Variants in SUSD5 observed in about 807,000 individuals in gnomAD.
SUSD5 encodes sushi domain-containing protein 5.
SUSD5 carries 33 observed loss-of-function variants against 29.5 expected under a neutral mutation model. That is an observed-to-expected ratio of 1.12 (90% CI 0.85 to 1.49). SUSD5 has a LOEUF of 1.49. Ranked by LOEUF, SUSD5 falls within the 40% of genes most tolerant of loss-of-function variation. SUSD5 has a pLI of 0.00. For synonymous variants in SUSD5, 308 were observed against 325.3 expected, an observed-to-expected ratio of 0.95 and a Z score of 0.57; for missense variants, 776 against 800.6, an observed-to-expected ratio of 0.97 and a Z score of 0.37.
rs2030970982 is a variant in SUSD5 at position 33,153,581 on chromosome 3, C to A, written c.1051G>T (p.Val351Leu). Reference sequence around the variant, plus strand: ...CCTGCCTTGCTGTCATTCTTGCCCACAAATGGCCCCGAGGGACCATCAGTG... The same window carrying A: ...CCTGCCTTGCTGTCATTCTTGCCCAAAAATGGCCCCGAGGGACCATCAGTG... ...GNTDGPSGPFVGKNDSKAGDP... is the reference protein window; with the variant it reads ...GNTDGPSGPFLGKNDSKAGDP... The change falls in exon 5 of 5, where the codon GTG (valine) becomes TTG (leucine). Residue 351 changes from valine to leucine, a missense_variant. Physicochemically the swap from Val to Leu is conservative, Grantham distance 32. Transcript: ENST00000309558. 1 of 1,614,032 alleles carries A rather than the reference C, an allele frequency of 6.2e-7. No homozygotes were observed. Among genetic ancestry groups the A allele is most frequent in the Non-Finnish European group, 8.5e-7 (1 of 1,179,894 alleles).
intron 3 of SUSD5, chr3:33,190,196 TTC>T (rs1339205507): frequency 1.9e-5 from 3 of 154,686 alleles, no homozygotes; most frequent in Non-Finnish European, 4.3e-5. Context: ...CATAAGACAT[TTC>T]TGTTTTGTAA....
chr3:33,164,552 T>C (rs1176575513), intron 4 of SUSD5, among the ~76,000 whole-genome samples: 2 of 152,196 alleles, frequency 1.3e-5, no homozygotes, highest in Non-Finnish European at 2.9e-5. Context: ...ACATTAAAAT[T>C]CTATTTATGA....
Position 33,151,783 on chromosome 3 carries a change from G to GAAAAT in SUSD5, c.*954_*958dup, listed in dbSNP as rs1171171854. ...GGCAAATCCTTAACCATGAAATATT[G>GAAAAT]AAAATAAAATAAAATAAATGACAGA... On this transcript the variant is annotated 3_prime_UTR_variant, in exon 5 of 5. Coordinates refer to ENST00000309558, the MANE Select transcript of SUSD5 (RefSeq NM_015551.2). The GAAAAT allele has an allele frequency of 6.6e-6, 1 of 152,046 alleles. No homozygotes were observed. The highest frequency in any genetic ancestry group is 1.5e-5 in the Non-Finnish European group (1 of 68,010). 9.4% of individuals were successfully genotyped at this position (152,046 alleles called of 1,614,324 possible).
At chr3:33,209,942 T>C (rs929636768) in intron 2 of SUSD5, among the ~76,000 whole-genome samples, 9 of 152,222 alleles carry the variant, frequency 5.9e-5, no homozygotes, top group African/African-American at 2.2e-4. Context: ...AAATTCTCCT[T>C]CTCATCTTTT....
At chr3:33,208,051 A>C (rs1468007707) in intron 2 of SUSD5, 125 bp from the exon 3 acceptor site, 5 of 682,824 alleles carry the variant, frequency 7.3e-6, no homozygotes, top group Non-Finnish European at 1.2e-5. Flanking sequence ...TCTGTCTGAA[A>C]GCATAAATCT....
chr3:33,191,105 C>T (rs2031881004), intron 3 of SUSD5, among the ~76,000 whole-genome samples: 1 of 151,904 alleles, frequency 6.6e-6, no homozygotes, highest in Non-Finnish European at 1.5e-5. Flanking sequence ...TCCTGTGATG[C>T]CCTGTGCATA....
At chr3:33,200,238 C>A (rs1202247901) in intron 3 of SUSD5, among the ~76,000 whole-genome samples, 3 of 152,178 alleles carry the variant, frequency 2.0e-5, no homozygotes, top group Non-Finnish European at 2.9e-5. Flanking sequence ...AGACACCGAA[C>A]CTGCCAGTGC....
chr3:33,178,728 G>C (rs768353258), intron 3 of SUSD5, among the ~76,000 whole-genome samples: 1 of 152,184 alleles, frequency 6.6e-6, no homozygotes, highest in Non-Finnish European at 1.5e-5. Context: ...GTGAGCCACC[G>C]CGCCTGGCCC....
intron 3 of SUSD5, among the ~76,000 whole-genome samples, chr3:33,190,828 TATCAC>T (rs1156482876): frequency 6.6e-6 from 1 of 152,170 alleles, no homozygotes; most frequent in Non-Finnish European, 1.5e-5. Flanking sequence ...GATTTACTCC[TATCAC>T]AGCAGAGGAC....
chr3:33,163,079 C>G (rs187551163), intron 4 of SUSD5, among the ~76,000 whole-genome samples: 1 of 152,112 alleles, frequency 6.6e-6, no homozygotes, highest in African/African-American at 2.4e-5. Context: ...ACTCTAGGCA[C>G]AGGTGGATTT....
At chr3:33,165,978 C>T (rs1011694798) in intron 4 of SUSD5, among the ~76,000 whole-genome samples, 9 of 147,190 alleles carry the variant, frequency 6.1e-5, no homozygotes, top group Admixed American at 2.7e-4. Flanking sequence ...CCCACTGCAC[C>T]GCAGCCTGGG....
chr3:33,218,582 T>G (rs1028280169), intron 1 of SUSD5, 104 bp downstream of exon 1: 5 of 1,054,668 alleles, frequency 4.7e-6, no homozygotes, highest in Admixed American at 4.3e-5. Flanking sequence ...GGCTTGCGCT[T>G]GCCGCTTGCC....
intron 3 of SUSD5, among the ~76,000 whole-genome samples, chr3:33,178,862 T>A (rs1376034724): frequency 6.6e-6 from 1 of 152,244 alleles, no homozygotes; most frequent in African/African-American, 2.4e-5. Flanking sequence ...AAAATTGGCA[T>A]AATTTCTGCC....
chr3:33,207,753 T>G (rs978791999), intron 3 of SUSD5, 55 bp downstream of exon 3: 1 of 1,217,790 alleles, frequency 8.2e-7, no homozygotes, highest in South Asian at 1.4e-5. Context: ...CAACCTCATA[T>G]AGCAATCCCC....
chr3:33,193,505 T>G (rs2031938438), intron 3 of SUSD5, among the ~76,000 whole-genome samples: 1 of 152,088 alleles, frequency 6.6e-6, no homozygotes, highest in Non-Finnish European at 1.5e-5. Flanking sequence ...GTTTGGGACT[T>G]GTGGATTTTG....
intron 1 of SUSD5, among the ~76,000 whole-genome samples, chr3:33,216,916 AC>A: frequency 6.6e-6 from 1 of 152,190 alleles, no homozygotes; most frequent in Non-Finnish European, 1.5e-5. Context: ...AAGGAAGTAT[AC>A]CTATAATTGT....
At chr3:33,181,725 T>C (rs2031677343) in intron 3 of SUSD5, among the ~76,000 whole-genome samples, 1 of 152,188 alleles carries the variant, frequency 6.6e-6, no homozygotes, top group South Asian at 2.1e-4. Flanking sequence ...ACCTTTTCTA[T>C]GTTTAGATAC....
intron 4 of SUSD5, among the ~76,000 whole-genome samples, chr3:33,162,251 G>A (rs2031205771): frequency 1.3e-5 from 2 of 152,148 alleles, no homozygotes; most frequent in South Asian, 4.1e-4. Flanking sequence ...CATTCTAACT[G>A]AATGATAATG....
intron 3 of SUSD5, among the ~76,000 whole-genome samples, chr3:33,194,447 G>A (rs2031956571): frequency 6.6e-6 from 1 of 152,160 alleles, no homozygotes; most frequent in Non-Finnish European, 1.5e-5. Flanking sequence ...GCAGAGGTCA[G>A]AGCCCAGAGG....
Sources: allele counts gnomAD v4.1 joint callset (sites outside exome capture counted in the v4.1 genomes callset), GRCh38; gene constraint gnomAD v4.1.1; transcripts MANE v1.5; gene names NCBI Gene and HGNC (gene_info 2026-07-23, HGNC 2026-07-21).